Variants in MEI1 observed in about 807,000 individuals in gnomAD.
MEI1 encodes meiosis inhibitor protein 1.
In MEI1, 103 loss-of-function variants were observed where a neutral mutation model predicts 146.2. That is an observed-to-expected ratio of 0.70 (90% CI 0.60 to 0.83). The LOEUF (loss-of-function observed/expected upper bound fraction) is 0.83, where lower values mean the gene tolerates loss of function less well. MEI1 is among the 40% of genes least tolerant of loss of function. The pLI is 0.00. For synonymous variants in MEI1, 652 were observed against 628.2 expected (o/e 1.04, Z -0.57); for missense variants, 1,529 against 1,533.0 (o/e 1.00, Z 0.04).
Position 41,705,501 on chromosome 22 carries a change from A to G in MEI1, c.299-3A>G, listed in dbSNP as rs756001668. The G allele has an allele frequency of 1.2e-6, 2 of 1,613,310 alleles. No homozygotes were observed. The highest frequency in any genetic ancestry group is 1.3e-5 in the African/African-American group (1 of 74,818). ...CCCCTTTCTTACCTCCCTCTGCTCC[A>G]AGGACTATTATGCAGCATGGAAGAT... On this transcript the variant is annotated splice_polypyrimidine_tract_variant and splice_region_variant and intron_variant, in intron 2 of 30. Transcript: ENST00000401548.
chr22:41,713,331 A>G (rs2069780041), intron 3 of MEI1, among the ~76,000 whole-genome samples: 2 of 152,144 alleles, frequency 1.3e-5, no homozygotes, highest in Non-Finnish European at 2.9e-5. Flanking sequence ...AGCCAGGCAT[A>G]GTGGCATGTA....
intron 20 of MEI1, among the ~76,000 whole-genome samples, chr22:41,775,345 C>T (rs1160968815): frequency 1.3e-5 from 2 of 152,100 alleles, no homozygotes; most frequent in Non-Finnish European, 2.9e-5. Flanking sequence ...CCAGTGACAT[C>T]ATTTCTCTTT....
chr22:41,761,236 G>C (rs771786747), intron 18 of MEI1, among the ~76,000 whole-genome samples: 1 of 150,774 alleles, frequency 6.6e-6, no homozygotes, highest in Non-Finnish European at 1.5e-5. Context: ...ACTTGAACTT[G>C]GAAGGCAGAG....
intron 26 of MEI1, among the ~76,000 whole-genome samples, chr22:41,786,783 A>G (rs1218217418): frequency 6.6e-6 from 1 of 152,210 alleles, no homozygotes; most frequent in Non-Finnish European, 1.5e-5. Flanking sequence ...GAAAACTGCT[A>G]CCAGAAGAAG....
rs9611651 is a variant in MEI1 at position 41,747,125 on chromosome 22, T to C, written c.1681-982T>C. On this transcript the variant is annotated intron_variant, in intron 14 of 30. Transcript: ENST00000401548. ...AAGGTGTCAACAAGAACAGTGCCTC[T>C]GAGGACCCAGCTGTTTACAGAAAGG... Among the ~76,000 whole-genome samples the C allele has an allele frequency of 7.0e-3, 1,072 of 152,080 alleles. 5 individuals are homozygous for C. Among genetic ancestry groups the C allele is most frequent in the Non-Finnish European group, 0.012 (792 of 67,992 alleles).
chr22:41,771,057 T>G (rs972283657), intron 20 of MEI1, 96 bp downstream of exon 20: 1 of 1,337,558 alleles, frequency 7.5e-7, no homozygotes, highest in African/African-American at 1.5e-5. Flanking sequence ...CACATCTGCT[T>G]CAGCCCACCT....
intron 1 of MEI1, 51 bp downstream of exon 1, chr22:41,699,763 A>G: frequency 6.6e-7 from 1 of 1,507,404 alleles, no homozygotes; most frequent in Non-Finnish European, 8.8e-7. Flanking sequence ...CATTTCCCTC[A>G]GCAAACGCGG....
At chr22:41,743,232 C>A in intron 12 of MEI1, 38 bp downstream of exon 12, 1 of 1,452,844 alleles carries the variant, frequency 6.9e-7, no homozygotes, top group Admixed American at 1.7e-5. Flanking sequence ...GAAGATCATG[C>A]TGCAGTGTGT....
chr22:41,793,789 T>A (rs1383111620), intron 26 of MEI1, 40 bp from the exon 27 acceptor site: 1 of 1,534,304 alleles, frequency 6.5e-7, no homozygotes, highest in South Asian at 1.2e-5. Context: ...AAGCCATTGG[T>A]AGCAAAACCT....
At chr22:41,768,119 C>T (rs755191683) in intron 19 of MEI1, among the ~76,000 whole-genome samples, 2 of 152,230 alleles carry the variant, frequency 1.3e-5, no homozygotes, top group South Asian at 2.1e-4. Context: ...CAGTTGCTCA[C>T]GCCTGTAATC....
intron 13 of MEI1, among the ~76,000 whole-genome samples, chr22:41,745,598 G>T (rs2073223919): frequency 6.6e-6 from 1 of 152,076 alleles, no homozygotes; most frequent in Non-Finnish European, 1.5e-5. Flanking sequence ...ATATTTAAAG[G>T]CAAATGAATG....
In MEI1 at chr22:41,754,060, A is replaced by G. The variant is rs1601941115; in HGVS notation, c.1951+14A>G. On this transcript the variant is annotated intron_variant, in intron 17 of 30. Coordinates refer to ENST00000401548, the MANE Select transcript of MEI1 (RefSeq NM_152513.4). ...CTTCCAAAGAAGGTAAGATGCTACA[A>G]TTTGACCACTCATGTGGCCTGTGCT... 1.9e-6 allele frequency: 3 copies of G among 1,584,220 alleles called. No individual in the cohort carries two copies. The highest frequency in any genetic ancestry group is 1.7e-6 in the Non-Finnish European group (2 of 1,153,080).
intron 4 of MEI1, among the ~76,000 whole-genome samples, chr22:41,714,405 T>G (rs1329022982): frequency 6.6e-6 from 1 of 152,198 alleles, no homozygotes; most frequent in Non-Finnish European, 1.5e-5. Context: ...CAAGGAAATA[T>G]GTTCTCTATG....
chr22:41,783,304 T>C (rs527866497), intron 24 of MEI1, among the ~76,000 whole-genome samples: 2 of 152,240 alleles, frequency 1.3e-5, no homozygotes, highest in African/African-American at 4.8e-5. Flanking sequence ...TGTTATTTTA[T>C]TTTTTCAGAC....
intron 16 of MEI1, among the ~76,000 whole-genome samples, chr22:41,753,243 C>T (rs572044718): frequency 1.3e-5 from 2 of 152,018 alleles, no homozygotes; most frequent in Non-Finnish European, 2.9e-5. Flanking sequence ...TTGAGGTGAT[C>T]CGCCCGCCTT....
chr22:41,787,466 G>A (rs1399853174), intron 26 of MEI1, among the ~76,000 whole-genome samples: 1 of 152,146 alleles, frequency 6.6e-6, no homozygotes, highest in African/African-American at 2.4e-5. Context: ...TCCACAGGCG[G>A]GAAAAACTGT....
In MEI1 at chr22:41,793,696, T is replaced by G. The variant is rs545082470; in HGVS notation, c.3346-133T>G. The G allele has an allele frequency of 1.4e-5, 10 of 717,610 alleles. No individual in the cohort carries two copies. The Admixed American group carries it at 2.3e-4, about 16-fold the overall frequency. 44.5% of individuals were successfully genotyped at this position (717,610 alleles called of 1,614,324 possible). ...GAAGCCAATAAACATTTCTTGATTA[T>G]CTACAGGGCTATAATCCCAAATCTG... On this transcript the variant is annotated intron_variant, in intron 26 of 30. Coordinates refer to ENST00000401548, the MANE Select transcript of MEI1 (RefSeq NM_152513.4).
Position 41,699,505 on chromosome 22 carries a change from AAG to A in MEI1, c.-31_-30del, listed in dbSNP as rs1185659732. The A allele has an allele frequency of 2.5e-6, 4 of 1,588,032 alleles. No homozygotes were observed. The highest frequency in any genetic ancestry group is 3.4e-6 in the Non-Finnish European group (4 of 1,167,236). ...GCGCATGCGTGCAGTCTGCGCGGGA[AAG>A]AGTGCCGCCTCAGCTGAGGGCAAGC... is the stretch of plus-strand genomic sequence containing the variant. On this transcript the variant is annotated 5_prime_UTR_variant, in exon 1 of 31. Coordinates refer to ENST00000401548, the MANE Select transcript of MEI1 (RefSeq NM_152513.4).
rs541415785 is a variant in MEI1, at chr22:41,788,603, G to A, written c.3345+3820G>A. ...TTACAGGTGTGTGCCACCATGCCTG[G>A]CTAATTTTTGTATTTTTAGTAGAGA... On this transcript the variant is annotated intron_variant, in intron 26 of 30. Transcript: ENST00000401548. Among the ~76,000 whole-genome samples, 5 of 151,638 alleles carry A rather than the reference G, an allele frequency of 3.3e-5. No individual in the cohort carries two copies. In the South Asian group the frequency reaches 1.0e-3, roughly 32 times the overall value.
Sources: gnomAD v4.1 joint callset for allele counts (sites outside exome capture counted in the v4.1 genomes callset) on GRCh38, gnomAD v4.1.1 for gene constraint, MANE v1.5 for transcripts, NCBI Gene and HGNC (gene_info 2026-07-23, HGNC 2026-07-21) for gene names.